The following ME3 variants were observed in gnomAD, a reference collection of about 807,000 sequenced individuals.
ME3 encodes the protein NADP-dependent malic enzyme, mitochondrial.
In ME3, 48 loss-of-function variants were observed where a neutral mutation model predicts 68.9. The observed-to-expected ratio is 0.70, with a 90% confidence interval of 0.55 to 0.89. The LOEUF is 0.89. Ranked by LOEUF, ME3 falls within the 40% of genes least tolerant of loss-of-function variation. ME3 has a pLI of 0.00. For missense variants in ME3, 675 were observed against 797.4 expected, an observed-to-expected ratio of 0.85 and a Z score of 1.85; for synonymous variants, 320 against 318.8, an observed-to-expected ratio of 1.00 and a Z score of -0.04.
chr11:86,597,710 G>A (rs966016143), intron 2 of ME3, among the ~76,000 whole-genome samples: 2 of 152,138 alleles, frequency 1.3e-5, no homozygotes, highest in Admixed American at 6.5e-5. Flanking sequence ...TTTATTTCGA[G>A]CCAAATATGA....
chr11:86,653,598 G>A (rs1281291609), intron 2 of ME3, among the ~76,000 whole-genome samples: 2 of 152,232 alleles, frequency 1.3e-5, no homozygotes, highest in Admixed American at 1.3e-4. Context: ...TCAAAGTAGT[G>A]CGTAGAGGGA....
chr11:86,541,132 C>G (rs1182641371), intron 4 of ME3, among the ~76,000 whole-genome samples: 4 of 152,232 alleles, frequency 2.6e-5, no homozygotes, highest in Admixed American at 2.6e-4. Context: ...TTCCCACTGT[C>G]TTCAAAACCT....
At chr11:86,578,035 G>C (rs1014197270) in intron 2 of ME3, among the ~76,000 whole-genome samples, 2 of 152,180 alleles carry the variant, frequency 1.3e-5, no homozygotes, top group African/African-American at 4.8e-5. Context: ...CTTTTCAAGA[G>C]AAATTTCATA....
Position 86,580,662 on chromosome 11 carries a change from G to A in ME3, c.184-20839C>T, listed in dbSNP as rs551892882. Among the ~76,000 whole-genome samples the A allele has an allele frequency of 3.0e-4, 46 of 152,158 alleles. 2 individuals carry two copies. In the South Asian group the frequency reaches 8.5e-3, roughly 28 times the overall value. ...TTTTGTCCTTCTGCCACATCCCTAC[G>A]AAATAGAAAACCTACCCAAGATTAT... is the stretch of plus-strand genomic sequence containing the variant. On this transcript the variant is annotated intron_variant, in intron 2 of 14. Transcript: ENST00000543262.
At chr11:86,445,505 C>G (rs1450999477) in intron 13 of ME3, among the ~76,000 whole-genome samples, 2 of 152,162 alleles carry the variant, frequency 1.3e-5, no homozygotes, top group Admixed American at 6.5e-5. Context: ...CACAGGAGAG[C>G]CTTTGGAGCT....
chr11:86,592,351 A>AC (rs1170498631), intron 2 of ME3, among the ~76,000 whole-genome samples: 3 of 152,180 alleles, frequency 2.0e-5, no homozygotes, highest in East Asian at 1.9e-4. Flanking sequence ...TTAGGCCTTG[A>AC]GGGGGGGAAA....
chr11:86,594,335 C>G (rs1959181771), intron 2 of ME3, among the ~76,000 whole-genome samples: 1 of 146,012 alleles, frequency 6.8e-6, no homozygotes. Context: ...CTCTCTACCT[C>G]CATATATTCA....
intron 2 of ME3, among the ~76,000 whole-genome samples, chr11:86,635,437 A>G (rs1031245178): frequency 2.0e-5 from 3 of 152,204 alleles, no homozygotes; most frequent in African/African-American, 7.2e-5. Flanking sequence ...CACACAGTCT[A>G]TGGTATTTTG....
intron 4 of ME3, among the ~76,000 whole-genome samples, chr11:86,522,811 G>A (rs1954424522): frequency 6.6e-6 from 1 of 152,080 alleles, no homozygotes; most frequent in Non-Finnish European, 1.5e-5. Flanking sequence ...TCCAAGTCTT[G>A]TAACAACTAT....
At chr11:86,468,183 G>C (rs1157971001) in intron 7 of ME3, among the ~76,000 whole-genome samples, 1 of 152,112 alleles carries the variant, frequency 6.6e-6, no homozygotes, top group African/African-American at 2.4e-5. Flanking sequence ...CCTTCACCAT[G>C]TTATCCCAGT....
chr11:86,519,098 C>T (rs1954085852), intron 4 of ME3, among the ~76,000 whole-genome samples: 1 of 152,118 alleles, frequency 6.6e-6, no homozygotes, highest in South Asian at 2.1e-4. Flanking sequence ...ATACAGTAGC[C>T]CTAGGAAGCA....
intron 2 of ME3, among the ~76,000 whole-genome samples, chr11:86,586,648 A>G (rs1030758638): frequency 1.3e-5 from 2 of 152,194 alleles, no homozygotes; most frequent in Non-Finnish European, 2.9e-5. Flanking sequence ...CAAAAGTTCA[A>G]TATCTCTAAA....
In ME3 at chr11:86,493,190, G is replaced by A. The variant is rs1449984381; in HGVS notation, c.705+4773C>T. 4.6e-5 allele frequency among the ~76,000 whole-genome samples: 7 copies of A among 152,244 alleles called. No individual in the cohort carries two copies. In the East Asian group the frequency reaches 1.3e-3, roughly 29 times the overall value. ...GTTGTCAACTCCATGCTTCCTTGGCGATCCAATAACATCCAAAGCACTATT... is the reference window on the plus strand; with the variant it reads ...GTTGTCAACTCCATGCTTCCTTGGCAATCCAATAACATCCAAAGCACTATT... On this transcript the variant is annotated intron_variant, in intron 6 of 14. Transcript: ENST00000543262.
chr11:86,521,434 TAA>T (rs1954299308), intron 4 of ME3, among the ~76,000 whole-genome samples: 3 of 107,424 alleles, frequency 2.8e-5, no homozygotes, highest in African/African-American at 1.1e-4. Flanking sequence ...AAAACAAAAA[TAA>T]TAATAATAAT....
At chr11:86,620,163 CG>C (rs1289131319) in intron 2 of ME3, among the ~76,000 whole-genome samples, 1 of 152,136 alleles carries the variant, frequency 6.6e-6, no homozygotes, top group Admixed American at 6.5e-5. Context: ...GTTCAAAAAA[CG>C]TTTTTTTAAA....
In ME3 at chr11:86,556,653, G is replaced by A. The variant is rs766518374; in HGVS notation, c.367C>T (p.Arg123Ter). The A allele has an allele frequency of 1.2e-5, 19 of 1,613,980 alleles. No individual in the cohort carries two copies. The Admixed American group carries it at 1.5e-4, about 13-fold the overall frequency. Residue 123 changes from arginine to a stop codon, truncating the protein, a stop_gained, in exon 4 of 15, where the codon CGA becomes TGA. Coordinates refer to ENST00000543262, the Ensembl canonical transcript of ME3. LOFTEE classifies it high-confidence loss of function. ...TTCTCCACGTCCGAAGTCAGCACTCGGTAGAAGAGCTTCTCGTTCCGGTCT... is the reference window on the plus strand; with the variant it reads ...TTCTCCACGTCCGAAGTCAGCACTCAGTAGAAGAGCTTCTCGTTCCGGTCT...
At chr11:86,568,524 A>G (rs1321770668) in intron 2 of ME3, among the ~76,000 whole-genome samples, 2 of 152,176 alleles carry the variant, frequency 1.3e-5, no homozygotes, top group African/African-American at 2.4e-5. Flanking sequence ...ACTGAACTCT[A>G]TTTACCCATG....
intron 2 of ME3, among the ~76,000 whole-genome samples, chr11:86,654,363 C>A (rs950930136): frequency 6.6e-6 from 1 of 152,182 alleles, no homozygotes; most frequent in East Asian, 1.9e-4. Context: ...TACTGGCAAA[C>A]TGAATCCAGC....
intron 7 of ME3, 31 bp from the exon 8 acceptor site, chr11:86,465,231 T>C (rs748831517): frequency 2.6e-6 from 4 of 1,530,960 alleles, no homozygotes; most frequent in Admixed American, 1.7e-5. Context: ...AAACCCATGA[T>C]TGCCTCTCTG....
Sources: gnomAD v4.1 joint callset for allele counts (sites outside exome capture counted in the v4.1 genomes callset) on GRCh38, gnomAD v4.1.1 for gene constraint, MANE v1.5 for transcripts, NCBI Gene and HGNC (gene_info 2026-07-23, HGNC 2026-07-21) for gene names.